The following PEBP4 variants were observed in gnomAD, a reference collection of about 807,000 sequenced individuals.
PEBP4 encodes the protein phosphatidylethanolamine binding protein 4.
A neutral mutation model predicts 23.9 loss-of-function variants in PEBP4; 22 were observed. The ratio of observed to expected loss-of-function variants is 0.92; its 90% CI spans 0.66 to 1.31. The LOEUF is 1.31. Ranked by LOEUF, PEBP4 falls within the 40% of genes most tolerant of loss-of-function variation. The probability of loss-of-function intolerance (pLI) is 0.00; values close to 1 mark genes in which losing one functional copy is unlikely to be tolerated. For synonymous variants in PEBP4, 112 were observed against 99.3 expected (o/e 1.13, Z -0.76); for missense variants, 324 against 281.7 (o/e 1.15, Z -1.07).
At chr8:22,799,400 A>T (rs1806335407) in intron 4 of PEBP4, among the ~76,000 whole-genome samples, 1 of 152,236 alleles carries the variant, frequency 6.6e-6, no homozygotes. Flanking sequence ...CCTGCTATTA[A>T]GGAATTTTAG....
At chr8:22,745,325 G>A (rs911176510) in intron 4 of PEBP4, among the ~76,000 whole-genome samples, 1 of 152,196 alleles carries the variant, frequency 6.6e-6, no homozygotes, top group Non-Finnish European at 1.5e-5. Context: ...CATGTCCCCA[G>A]CCTTGGGTCC....
chr8:22,774,128 C>G (rs187128621), intron 4 of PEBP4, among the ~76,000 whole-genome samples: 1 of 152,374 alleles, frequency 6.6e-6, no homozygotes, highest in East Asian at 1.9e-4. Flanking sequence ...TCGATCACAG[C>G]ATGCTGCTCC....
chr8:22,735,335 C>A (rs1473866376), intron 4 of PEBP4, among the ~76,000 whole-genome samples: 2 of 152,102 alleles, frequency 1.3e-5, no homozygotes, highest in Admixed American at 6.5e-5. Flanking sequence ...GATATGGGGC[C>A]TTGAAGGATA....
At position 22,818,503 on chromosome 8, in the gene PEBP4, G is replaced by A. The variant is rs553719119; in HGVS notation, c.259-768C>T. Among the ~76,000 whole-genome samples, 6 of 152,274 alleles carry A rather than the reference G, an allele frequency of 3.9e-5. No individual in the cohort carries two copies. In the South Asian group the frequency reaches 1.2e-3, roughly 32 times the overall value. Reference sequence around the variant, plus strand: ...CATTGTGGCCAGGGACAAGCAAGGGGGAGGGTGGACATGGCAGGTGCAGGG... The same window carrying A: ...CATTGTGGCCAGGGACAAGCAAGGGAGAGGGTGGACATGGCAGGTGCAGGG... On this transcript the variant is annotated intron_variant, in intron 3 of 6. Transcript: ENST00000256404.
At chr8:22,792,174 A>G (rs1452194288) in intron 4 of PEBP4, among the ~76,000 whole-genome samples, 1 of 152,240 alleles carries the variant, frequency 6.6e-6, no homozygotes, top group East Asian at 1.9e-4. Context: ...TTTTAGTACA[A>G]GGTTTCCAAA....
rs1806774858 is a variant in PEBP4 at position 22,817,749 on chromosome 8, A to T, written c.259-14T>A. 1 of 1,609,676 alleles carries T rather than the reference A, an allele frequency of 6.2e-7. No homozygotes were observed. Among genetic ancestry groups the T allele is most frequent in the African/African-American group, 1.3e-5 (1 of 74,960 alleles). On this transcript the variant is annotated splice_polypyrimidine_tract_variant and intron_variant, in intron 3 of 6. Transcript: ENST00000256404. ...ATAGGTTGCGCCCTGTAACACATGT[A>T]CCGAAAAGTAATGTAGCGTCATGGC...
intron 3 of PEBP4, among the ~76,000 whole-genome samples, chr8:22,910,067 C>A (rs933514249): frequency 2.0e-5 from 3 of 152,202 alleles, no homozygotes; most frequent in Non-Finnish European, 4.4e-5. Context: ...GGCAGCACAC[C>A]GATGGGTGCC....
chr8:22,763,337 T>G (rs1439515900), intron 4 of PEBP4, among the ~76,000 whole-genome samples: 1 of 152,198 alleles, frequency 6.6e-6, no homozygotes. Context: ...GGTTTCTTCT[T>G]GAATCCCACT....
At chr8:22,889,099 G>A (rs181466234) in intron 3 of PEBP4, among the ~76,000 whole-genome samples, 8 of 152,154 alleles carry the variant, frequency 5.3e-5, no homozygotes, top group African/African-American at 1.7e-4. Context: ...GCTTACTGCC[G>A]GGCACAATCT....
rs1805800101 is a variant in PEBP4 at position 22,775,665 on chromosome 8, G to A, written c.357+41972C>T. ...GGAGGGGGACGGAGGCAGCGTCTCT[G>A]CGGCATACCAGCAAACCAGAAATTA... is the stretch of plus-strand genomic sequence containing the variant. On this transcript the variant is annotated intron_variant, in intron 4 of 6. Coordinates refer to ENST00000256404, the MANE Select transcript of PEBP4 (RefSeq NM_144962.3). The surrounding 1 kb of genome is among the most constrained non-coding windows in gnomAD (Gnocchi z 4.8). Among the ~76,000 whole-genome samples, 1 of 152,182 alleles carries A rather than the reference G, an allele frequency of 6.6e-6. No individual in the cohort carries two copies. The highest frequency in any genetic ancestry group is 2.4e-5 in the African/African-American group (1 of 41,438).
intron 3 of PEBP4, among the ~76,000 whole-genome samples, chr8:22,848,577 C>G (rs955401380): frequency 2.6e-5 from 4 of 152,076 alleles, no homozygotes; most frequent in Non-Finnish European, 5.9e-5. Flanking sequence ...CCTGGCTGTT[C>G]CCATGCACAT....
intron 3 of PEBP4, among the ~76,000 whole-genome samples, chr8:22,834,612 G>T (rs997598268): frequency 5.9e-5 from 9 of 152,320 alleles, no homozygotes; most frequent in African/African-American, 2.2e-4. Context: ...GATTTCCCAG[G>T]CTCTACTGCA....
chr8:22,831,235 T>G (rs1397440023), intron 3 of PEBP4, among the ~76,000 whole-genome samples: 1 of 152,248 alleles, frequency 6.6e-6, no homozygotes, highest in Non-Finnish European at 1.5e-5. Flanking sequence ...GTTCCTTTGT[T>G]AATCATCCTT....
intron 1 of PEBP4, 26 bp from the exon 2 acceptor site, chr8:22,927,746 G>T: frequency 1.2e-6 from 2 of 1,612,408 alleles, no homozygotes; most frequent in Non-Finnish European, 1.7e-6. Context: ...CTTTAGAGCG[G>T]CTGGATCCCC....
At chr8:22,746,687 C>G (rs755636295) in intron 4 of PEBP4, among the ~76,000 whole-genome samples, 1 of 152,022 alleles carries the variant, frequency 6.6e-6, no homozygotes, top group Non-Finnish European at 1.5e-5. Context: ...AGGACCTCAG[C>G]CTTCCATCAG....
At chr8:22,928,407 T>C (rs1429998727), upstream of PEBP4, among the ~76,000 whole-genome samples, 2 of 152,208 alleles carry the variant, frequency 1.3e-5, no homozygotes, top group Non-Finnish European at 2.9e-5. Context: ...TGGGTGCACC[T>C]TGCAGCTGTG....
chr8:22,731,934 C>A (rs1478629827), intron 4 of PEBP4, among the ~76,000 whole-genome samples: 1 of 152,026 alleles, frequency 6.6e-6, no homozygotes, highest in African/African-American at 2.4e-5. Context: ...CTCGGCTTCC[C>A]AAAGTGCTGG....
intron 3 of PEBP4, among the ~76,000 whole-genome samples, chr8:22,904,638 T>C (rs1356112668): frequency 3.9e-5 from 6 of 152,220 alleles, no homozygotes; most frequent in Non-Finnish European, 8.8e-5. Flanking sequence ...GGAGATCCAA[T>C]GTTAACATTT....
At chr8:22,768,014 C>T (rs989900880) in intron 4 of PEBP4, among the ~76,000 whole-genome samples, 1 of 152,138 alleles carries the variant, frequency 6.6e-6, no homozygotes, top group Non-Finnish European at 1.5e-5. Context: ...GGATTACAGG[C>T]GTGAGCCACT....
Sources: allele counts gnomAD v4.1 joint callset (sites outside exome capture counted in the v4.1 genomes callset), GRCh38; gene constraint gnomAD v4.1.1; non-coding constraint Gnocchi (gnomAD v3.1); transcripts MANE v1.5; gene names NCBI Gene and HGNC (gene_info 2026-07-23, HGNC 2026-07-21).